ZCCHC24: variants seen among roughly 807,000 people sequenced by gnomAD.
ZCCHC24 encodes zinc finger CCHC domain-containing protein 24.
Under a neutral mutation model 26.2 loss-of-function variants are expected in ZCCHC24, and 10 were observed. The observed-to-expected ratio is 0.38, with a 90% CI of 0.24 to 0.65. The LOEUF is 0.65. Ranked by LOEUF, ZCCHC24 falls within the 30% of genes least tolerant of loss-of-function variation. ZCCHC24 has a pLI of 0.54. For missense variants in ZCCHC24, 243 were observed against 329.1 expected, an observed-to-expected ratio of 0.74 and a Z score of 2.03; for synonymous variants, 144 against 147.1, an observed-to-expected ratio of 0.98 and a Z score of 0.15.
At chr10:79,423,016 T>C (rs991516511) in intron 2 of ZCCHC24, among the ~76,000 whole-genome samples, 8 of 152,130 alleles carry the variant, frequency 5.3e-5, no homozygotes, top group African/African-American at 1.2e-4. Context: ...TCCTTTGACC[T>C]CAACAAGATA....
intron 1 of ZCCHC24, among the ~76,000 whole-genome samples, chr10:79,439,792 CAAAA>C (rs3997794): frequency 5.2e-5 from 6 of 116,130 alleles, no homozygotes; most frequent in Non-Finnish European, 9.0e-5. Context: ...CAGACTCCAT[CAAAA>C]AAAAAAAAAA....
chr10:79,391,036 C>T (rs996258347), intron 3 of ZCCHC24, among the ~76,000 whole-genome samples: 9 of 152,100 alleles, frequency 5.9e-5, no homozygotes, highest in African/African-American at 1.9e-4. Flanking sequence ...GAGCCCTGGG[C>T]GGTGGGAGAC....
chr10:79,438,446 A>G (rs76516780), intron 1 of ZCCHC24, among the ~76,000 whole-genome samples: 17,645 of 152,226 alleles, frequency 0.12, 1,158 homozygotes, highest in African/African-American at 0.18. Context: ...AAGCGAGCCA[A>G]TGGGAAAACA....
Position 79,440,049 on chromosome 10 carries a change from A to G in ZCCHC24, c.246+5146T>C, listed in dbSNP as rs554433312. 1.8e-4 allele frequency among the ~76,000 whole-genome samples: 27 copies of G among 152,192 alleles called. No homozygotes were observed. In the East Asian group the frequency reaches 3.1e-3, roughly 17 times the overall value. On this transcript the variant is annotated intron_variant, in intron 1 of 3. Coordinates refer to ENST00000372336, the MANE Select transcript of ZCCHC24 (RefSeq NM_153367.4). ...GTGCTTGATGTTTTCAAAAACCCCA[A>G]GTAGACCAGTATGGCCAGAGGAGGG...
At chr10:79,440,890 T>C (rs574698466) in intron 1 of ZCCHC24, among the ~76,000 whole-genome samples, 28 of 152,294 alleles carry the variant, frequency 1.8e-4, no homozygotes, top group African/African-American at 6.3e-4. Context: ...AGTCCATGCC[T>C]GTCCAGTCAA....
At position 79,426,841 on chromosome 10, in the gene ZCCHC24, G is replaced by A. The variant is rs184071927; in HGVS notation, c.447+5717C>T. Among the ~76,000 whole-genome samples the A allele has an allele frequency of 4.1e-4, 63 of 152,250 alleles. 2 individuals are homozygous for A. Among genetic ancestry groups the A allele is most frequent in the Admixed American group, 3.7e-3 (56 of 15,290 alleles). On this transcript the variant is annotated intron_variant, in intron 2 of 3. Coordinates refer to ENST00000372336, the MANE Select transcript of ZCCHC24 (RefSeq NM_153367.4). ...AGTAAAATGGCAGACCTAAATCTAC[G>A]TCAAAAAGAGCATTAAATGTGAATG...
At chr10:79,429,075 T>C (rs1046313132) in intron 2 of ZCCHC24, among the ~76,000 whole-genome samples, 14 of 152,198 alleles carry the variant, frequency 9.2e-5, no homozygotes, top group Admixed American at 7.9e-4. Context: ...CTGCTGATAC[T>C]TTACAAACTC....
intron 1 of ZCCHC24, among the ~76,000 whole-genome samples, chr10:79,442,026 G>A (rs1021643301): frequency 6.6e-6 from 1 of 152,146 alleles, no homozygotes; most frequent in Non-Finnish European, 1.5e-5. Context: ...ACAAGACTTG[G>A]CAGGGAAGAC....
At chr10:79,389,137 G>T (rs1285064305) in intron 3 of ZCCHC24, among the ~76,000 whole-genome samples, 1 of 152,190 alleles carries the variant, frequency 6.6e-6, no homozygotes, top group Non-Finnish European at 1.5e-5. Flanking sequence ...TGATGGAGGG[G>T]AACGTGTCTT....
At chr10:79,408,468 C>T (rs1233034471) in intron 2 of ZCCHC24, among the ~76,000 whole-genome samples, 1 of 152,190 alleles carries the variant, frequency 6.6e-6, no homozygotes, top group African/African-American at 2.4e-5. Context: ...GAGCACCAAT[C>T]ACCACGTGCA....
chr10:79,392,190 C>T (rs1417493950), intron 3 of ZCCHC24, among the ~76,000 whole-genome samples: 2 of 152,108 alleles, frequency 1.3e-5, no homozygotes, highest in Non-Finnish European at 2.9e-5. Flanking sequence ...CCCCGTGGAC[C>T]CTCCGTACAC....
intron 1 of ZCCHC24, among the ~76,000 whole-genome samples, chr10:79,439,456 C>G (rs1857261457): frequency 6.6e-6 from 1 of 152,034 alleles, no homozygotes; most frequent in Non-Finnish European, 1.5e-5. Flanking sequence ...TTCAAGACAC[C>G]CACCCACGTA....
intron 1 of ZCCHC24, among the ~76,000 whole-genome samples, chr10:79,437,502 C>T (rs536547131): frequency 6.6e-6 from 1 of 152,210 alleles, no homozygotes; most frequent in African/African-American, 2.4e-5. Flanking sequence ...AGAGGCTGAG[C>T]GATTTGCCCA....
chr10:79,384,841 A>G lies in ZCCHC24; in HGVS notation c.*1504T>C, dbSNP rs1856367346. On this transcript the variant is annotated 3_prime_UTR_variant, in exon 4 of 4. Transcript: ENST00000372336. ...GATTTTTTTTTTTTCCCACAGAGGC[A>G]TAATGTAGGGGCAAAATCAAGAGAC... 6.6e-6 allele frequency: 1 copy of G among 151,604 alleles called. No individual in the cohort carries two copies. Among genetic ancestry groups the G allele is most frequent in the Admixed American group, 6.6e-5 (1 of 15,196 alleles). The allele number at this position is 151,604 out of a possible 1,614,324, so 9.4% of individuals were successfully genotyped here. A position where few individuals can be genotyped will look rare whatever the true frequency, so the allele number is the denominator to read the frequency against.
At chr10:79,440,378 A>C (rs1315900186) in intron 1 of ZCCHC24, among the ~76,000 whole-genome samples, 2 of 152,186 alleles carry the variant, frequency 1.3e-5, no homozygotes, top group African/African-American at 2.4e-5. Context: ...TGGAACAGGG[A>C]CATGGTAGGA....
intron 2 of ZCCHC24, among the ~76,000 whole-genome samples, chr10:79,416,408 T>C (rs1040768894): frequency 3.9e-5 from 6 of 152,214 alleles, no homozygotes; most frequent in Non-Finnish European, 5.9e-5. Context: ...CTCAGCTATG[T>C]GGTCCAAGGC....
intron 2 of ZCCHC24, among the ~76,000 whole-genome samples, chr10:79,406,778 C>G (rs1019604882): frequency 1.2e-4 from 18 of 152,240 alleles, no homozygotes; most frequent in African/African-American, 4.3e-4. Flanking sequence ...CCAGGCCTGA[C>G]TGACTGCTGC....
intron 2 of ZCCHC24, among the ~76,000 whole-genome samples, chr10:79,402,451 A>AT (rs1856646970): frequency 6.6e-6 from 1 of 151,800 alleles, no homozygotes; most frequent in Non-Finnish European, 1.5e-5. Flanking sequence ...AATTTTTTGT[A>AT]TTTTTAGTAG....
chr10:79,428,282 A>G (rs1198957185), intron 2 of ZCCHC24, among the ~76,000 whole-genome samples: 1 of 152,254 alleles, frequency 6.6e-6, no homozygotes, highest in Non-Finnish European at 1.5e-5. Context: ...GACAAACGCC[A>G]TGTGATTCCA....
Sources: gnomAD v4.1 joint callset for allele counts (sites outside exome capture counted in the v4.1 genomes callset) on GRCh38, gnomAD v4.1.1 for gene constraint, MANE v1.5 for transcripts, NCBI Gene and HGNC (gene_info 2026-07-23, HGNC 2026-07-21) for gene names.